The following MLLT10 variants were observed in gnomAD, a reference collection of about 807,000 sequenced individuals.
The protein encoded by MLLT10 is protein AF-10.
A neutral mutation model predicts 129.1 loss-of-function variants in MLLT10; 30 were observed. The observed-to-expected ratio is 0.23, with a 90% CI of 0.17 to 0.32. The LOEUF (loss-of-function observed/expected upper bound fraction) is 0.32. Among genes scored for constraint, MLLT10 ranks in the 10% least tolerant of loss-of-function variants. MLLT10 has a pLI of 1.00. For missense variants in MLLT10, 1,119 were observed against 1,268.3 expected, an observed-to-expected ratio of 0.88 and a Z score of 1.79; for synonymous variants, 490 against 446.4, an observed-to-expected ratio of 1.10 and a Z score of -1.23.
In MLLT10 at chr10:21,742,659, G is replaced by C; in HGVS notation, c.*676G>C. 1 of 223,274 alleles carries C rather than the reference G, an allele frequency of 4.5e-6. No individual in the cohort carries two copies. The highest frequency in any genetic ancestry group is 8.9e-6 in the Non-Finnish European group (1 of 111,914). The allele number at this position is 223,274 out of a possible 1,614,324, so 13.8% of individuals were successfully genotyped here. On this transcript the variant is annotated 3_prime_UTR_variant, in exon 23 of 23. Coordinates refer to ENST00000307729, the MANE Select transcript of MLLT10 (RefSeq NM_001195626.3). The stretch of plus-strand genomic sequence containing the variant: ...TAGTGTTAAGACCTACTCATATTTT[G>C]AAGAAATCTTGAGTTAAGTGAGTTC...
At chr10:21,681,738 TAA>T (rs1180433264) in intron 12 of MLLT10, among the ~76,000 whole-genome samples, 1 of 152,198 alleles carries the variant, frequency 6.6e-6, no homozygotes, top group Non-Finnish European at 1.5e-5. Flanking sequence ...TTTTTTTCAT[TAA>T]GTCTTCTACA....
In MLLT10 at chr10:21,637,888, C is replaced by T. The variant is rs115582647; in HGVS notation, c.700-13785C>T. Reference sequence around the variant, plus strand: ...CTTGGCGCTAATTCACTGTTAGCTTCCTGCTCTTACTAGCCTTTTTTCACT... The same window carrying T: ...CTTGGCGCTAATTCACTGTTAGCTTTCTGCTCTTACTAGCCTTTTTTCACT... On this transcript the variant is annotated intron_variant, in intron 8 of 22. Transcript: ENST00000307729. Among the ~76,000 whole-genome samples, 582 of 152,304 alleles carry T rather than the reference C, an allele frequency of 3.8e-3. 5 individuals are homozygous for T. Among genetic ancestry groups the T allele is most frequent in the African/African-American group, 0.013 (547 of 41,562 alleles).
At chr10:21,600,475 CAT>C (rs1199997453) in intron 5 of MLLT10, among the ~76,000 whole-genome samples, 2 of 151,770 alleles carry the variant, frequency 1.3e-5, no homozygotes, top group Non-Finnish European at 2.9e-5. Context: ...GTTCATGAAA[CAT>C]ATTACTCTGT....
At chr10:21,558,477 A>T (rs1383945363) in intron 3 of MLLT10, among the ~76,000 whole-genome samples, 1 of 152,074 alleles carries the variant, frequency 6.6e-6, no homozygotes, top group Non-Finnish European at 1.5e-5. Flanking sequence ...AAAAAATCAA[A>T]ATATGATCAT....
chr10:21,594,118 T>C (rs1171641167), intron 4 of MLLT10, among the ~76,000 whole-genome samples: 2 of 151,810 alleles, frequency 1.3e-5, no homozygotes, highest in African/African-American at 4.8e-5. Context: ...TTTGAGGGTC[T>C]ATGTACTTTT....
At chr10:21,576,755 C>T (rs770777810) in intron 3 of MLLT10, among the ~76,000 whole-genome samples, 9 of 151,878 alleles carry the variant, frequency 5.9e-5, no homozygotes, top group South Asian at 4.1e-4. Context: ...CTCAGCCTCA[C>T]GAGTAGCTAG....
chr10:21,535,224 G>T (rs2130875610), intron 2 of MLLT10, among the ~76,000 whole-genome samples: 1 of 152,284 alleles, frequency 6.6e-6, no homozygotes, highest in South Asian at 2.1e-4. Flanking sequence ...CCCCTGGCCT[G>T]CAGCCGCCTG....
At chr10:21,647,724 A>G (rs1039924998) in intron 8 of MLLT10, among the ~76,000 whole-genome samples, 5 of 151,870 alleles carry the variant, frequency 3.3e-5, no homozygotes, top group African/African-American at 4.8e-5. Flanking sequence ...TTGCCCAGTC[A>G]TGTCCAATGG....
intron 5 of MLLT10, among the ~76,000 whole-genome samples, chr10:21,605,522 G>A (rs1036173692): frequency 3.9e-5 from 6 of 152,020 alleles, no homozygotes; most frequent in African/African-American, 1.5e-4. Context: ...CACGGTCACT[G>A]CAACATCAAC....
chr10:21,584,771 ATGTG>A (rs1167410823), intron 3 of MLLT10, among the ~76,000 whole-genome samples: 1 of 151,498 alleles, frequency 6.6e-6, no homozygotes, highest in Non-Finnish European at 1.5e-5. Flanking sequence ...TATATAAAGT[ATGTG>A]TGTATGTGTG....
At chr10:21,562,838 T>A (rs1392037609) in intron 3 of MLLT10, among the ~76,000 whole-genome samples, 1 of 141,030 alleles carries the variant, frequency 7.1e-6, no homozygotes, top group African/African-American at 2.7e-5. Context: ...TTTTTTTTTT[T>A]GAGACAGTTT....
intron 11 of MLLT10, among the ~76,000 whole-genome samples, chr10:21,678,184 C>T: frequency 6.6e-6 from 1 of 152,002 alleles, no homozygotes; most frequent in Non-Finnish European, 1.5e-5. Context: ...AGCTCACTGC[C>T]ACCTCTGCCT....
At chr10:21,734,505 G>T (rs1039517643) in intron 20 of MLLT10, among the ~76,000 whole-genome samples, 1 of 152,132 alleles carries the variant, frequency 6.6e-6, no homozygotes, top group South Asian at 2.1e-4. Context: ...TCTAATCAAA[G>T]ATTTTGATAT....
chr10:21,676,417 C>CAAAAA (rs113829023), intron 11 of MLLT10, among the ~76,000 whole-genome samples: 2 of 129,592 alleles, frequency 1.5e-5, no homozygotes, highest in African/African-American at 2.9e-5. Flanking sequence ...GACTCCGTCT[C>CAAAAA]AAAAAAAAAA....
chr10:21,689,415 C>T (rs974753978), intron 13 of MLLT10, among the ~76,000 whole-genome samples: 1 of 151,228 alleles, frequency 6.6e-6, no homozygotes, highest in South Asian at 2.1e-4. Flanking sequence ...TAACGTTTGA[C>T]CTGATACTTA....
At chr10:21,612,959 C>T (rs530796192) in intron 6 of MLLT10, among the ~76,000 whole-genome samples, 2 of 152,036 alleles carry the variant, frequency 1.3e-5, no homozygotes, top group South Asian at 2.1e-4. Context: ...TTTGGGAGGC[C>T]GAGGTGGGTG....
chr10:21,576,883 G>A (rs1234051840), intron 3 of MLLT10, among the ~76,000 whole-genome samples: 5 of 152,116 alleles, frequency 3.3e-5, no homozygotes, highest in African/African-American at 1.2e-4. Flanking sequence ...CGCCCGCCTC[G>A]GCCTCCTAAA....
At position 21,742,698 on chromosome 10, in the gene MLLT10, G is replaced by T. The variant is rs1485228906; in HGVS notation, c.*715G>T. On this transcript the variant is annotated 3_prime_UTR_variant, in exon 23 of 23. Transcript: ENST00000307729. ...TTAAGTGAGTTCTGAGGCTGCTGGG[G>T]GAACCAGATCAATTCAAAGCTAAAT... is the stretch of plus-strand genomic sequence containing the variant. 4.4e-6 allele frequency: 1 copy of T among 224,904 alleles called. No homozygotes were observed. Among genetic ancestry groups the T allele is most frequent in the Non-Finnish European group, 8.9e-6 (1 of 112,960 alleles). 13.9% of individuals were successfully genotyped at this position (224,904 alleles called of 1,614,324 possible). A position where few individuals can be genotyped will look rare whatever the true frequency, so the allele number is the denominator to read the frequency against.
intron 4 of MLLT10, among the ~76,000 whole-genome samples, chr10:21,588,150 T>C (rs1328285147): frequency 6.6e-6 from 1 of 152,178 alleles, no homozygotes; most frequent in Non-Finnish European, 1.5e-5. Context: ...CACTGCAACC[T>C]CCACCTTCCG....
Sources: allele counts gnomAD v4.1 joint callset (sites outside exome capture counted in the v4.1 genomes callset), GRCh38; gene constraint gnomAD v4.1.1; transcripts MANE v1.5; gene names NCBI Gene and HGNC (gene_info 2026-07-23, HGNC 2026-07-21).